DCHS2: variants seen among roughly 807,000 people sequenced by gnomAD.
The protein encoded by DCHS2 is dachsous cadherin-related 2.
A neutral mutation model predicts 182.4 loss-of-function variants in DCHS2; 142 were observed. The observed-to-expected ratio is 0.78, with a 90% CI of 0.68 to 0.89. The LOEUF is 0.89. Among genes scored for constraint, DCHS2 ranks in the 40% least tolerant of loss-of-function variants. DCHS2 has a pLI of 0.00. For synonymous variants in DCHS2, 1,740 were observed against 1,663.3 expected (o/e 1.05, Z -1.12); for missense variants, 4,319 against 4,198.6 (o/e 1.03, Z -0.79).
intron 1 of DCHS2, among the ~76,000 whole-genome samples, chr4:154,401,745 C>A (rs1040431063): frequency 2.0e-5 from 3 of 152,208 alleles, no homozygotes; most frequent in Non-Finnish European, 4.4e-5. Flanking sequence ...GTAATCCCAG[C>A]ACTTTGGGAG....
chr4:154,343,496 T>C (rs373729468), intron 3 of DCHS2: 2 of 1,483,888 alleles, frequency 1.3e-6, no homozygotes, highest in African/African-American at 1.4e-5. Context: ...CTAGATTTGC[T>C]ACATACCTTG....
chr4:154,363,371 A>G (rs761516254), intron 3 of DCHS2, among the ~76,000 whole-genome samples: 11 of 152,228 alleles, frequency 7.2e-5, no homozygotes, highest in South Asian at 4.1e-4. Context: ...ACAATAGAGT[A>G]CTATTAAGCC....
At chr4:154,431,414 T>C (rs1733553973) in intron 1 of DCHS2, among the ~76,000 whole-genome samples, 1 of 152,152 alleles carries the variant, frequency 6.6e-6, no homozygotes, top group African/African-American at 2.4e-5. Flanking sequence ...TATACTTTTC[T>C]CTTTTTTAGA....
Position 154,233,050 on chromosome 4 carries a change from A to C in DCHS2, c.*1486T>G, listed in dbSNP as rs548984049. ...TAGTAAAGAGAAATTATGTCACAAA[A>C]TTTCACAGATGAGGCCTATGGAAGA... On this transcript the variant is annotated 3_prime_UTR_variant, in exon 20 of 20. Coordinates refer to ENST00000357232, the MANE Select transcript of DCHS2 (RefSeq NM_001358235.2). 1 of 152,324 alleles carries C rather than the reference A, an allele frequency of 6.6e-6. No homozygotes were observed. The highest frequency in any genetic ancestry group is 1.5e-5 in the Non-Finnish European group (1 of 68,030). 9.4% of individuals were successfully genotyped at this position (152,324 alleles called of 1,614,324 possible). A position where few individuals can be genotyped will look rare whatever the true frequency, so the allele number is the denominator to read the frequency against.
rs909605502 is a variant in DCHS2, at chr4:154,365,477, G to GT, written c.2476+732dup. Among the ~76,000 whole-genome samples the GT allele has an allele frequency of 1.6e-3, 231 of 146,158 alleles. 1 individual carries two copies. The highest frequency in any genetic ancestry group is 7.2e-3 in the Middle Eastern group (2 of 276). Reference sequence around the variant, plus strand: ...TAGATATTATCAGTGTTACTTTTTTGTTTTTTTTTTGGAGACAGGGTTTTG... The same window carrying GT: ...TAGATATTATCAGTGTTACTTTTTTGTTTTTTTTTTTGGAGACAGGGTTTTG... On this transcript the variant is annotated intron_variant, in intron 3 of 19. Transcript: ENST00000357232.
Position 154,239,230 on chromosome 4 carries a change from C to T in DCHS2, c.7432G>A (p.Glu2478Lys). ...TLSATDLESN[E>K]NISYRILSSS... ...GATAGAATTCTGTAAGAAATGTTCT[C>T]ATTGCTTTCTAAGTCTGTGGCTGAC... Residue 2478 changes from glutamate to lysine, a missense_variant, in exon 19 of 20, where the codon GAG (glutamate) becomes AAG (lysine). Glu to Lys is a moderately conservative substitution (Grantham distance 56). Coordinates refer to ENST00000357232, the MANE Select transcript of DCHS2 (RefSeq NM_001358235.2). 1 of 1,613,450 alleles carries T rather than the reference C, an allele frequency of 6.2e-7. No homozygotes were observed. Among genetic ancestry groups the T allele is most frequent in the Non-Finnish European group, 8.5e-7 (1 of 1,179,704 alleles).
At chr4:154,321,247 T>C in intron 8 of DCHS2, 25 bp from the exon 9 acceptor site, 1 of 1,453,146 alleles carries the variant, frequency 6.9e-7, no homozygotes, top group Non-Finnish European at 9.1e-7. Context: ...AAAGAGATAT[T>C]AATTTGGGGT....
At chr4:154,264,851 T>C (rs1358475170) in intron 14 of DCHS2, among the ~76,000 whole-genome samples, 1 of 152,090 alleles carries the variant, frequency 6.6e-6, no homozygotes, top group Non-Finnish European at 1.5e-5. Context: ...TCAACAAGGA[T>C]GCAGCTAAAT....
At chr4:154,405,453 C>CAT (rs59533046) in intron 1 of DCHS2, among the ~76,000 whole-genome samples, 2,122 of 146,550 alleles carry the variant, frequency 0.014, 16 homozygotes, top group Middle Eastern at 0.04. Flanking sequence ...CATATTTATT[C>CAT]ATATATATAT....
chr4:154,317,975 A>G (rs1735921824), intron 9 of DCHS2, among the ~76,000 whole-genome samples: 1 of 152,190 alleles, frequency 6.6e-6, no homozygotes, highest in African/African-American at 2.4e-5. Context: ...ATAATCTCAA[A>G]GATAAATTTC....
intron 1 of DCHS2, among the ~76,000 whole-genome samples, chr4:154,398,254 T>A (rs548236922): frequency 1.3e-5 from 2 of 152,220 alleles, no homozygotes; most frequent in Non-Finnish European, 2.9e-5. Context: ...CATGCCCTTA[T>A]AGGGGTAGAA....
intron 3 of DCHS2, among the ~76,000 whole-genome samples, chr4:154,363,673 A>G (rs1437982133): frequency 1.3e-5 from 2 of 152,232 alleles, no homozygotes; most frequent in African/African-American, 4.8e-5. Flanking sequence ...TATGTTCTAT[A>G]CTTGAAAATT....
intron 1 of DCHS2, among the ~76,000 whole-genome samples, chr4:154,460,401 A>G (rs1734962173): frequency 6.6e-6 from 1 of 152,176 alleles, no homozygotes. Context: ...AATATCACAA[A>G]TTAGGCATCC....
chr4:154,347,763 A>AGCATGCATAGGAAGTCCGCTGG (rs1729426732), intron 3 of DCHS2, among the ~76,000 whole-genome samples: 1 of 151,886 alleles, frequency 6.6e-6, no homozygotes, highest in African/African-American at 2.4e-5. Flanking sequence ...TTCACTGCAA[A>AGCATGCATAGGAAGTCCGCTGG]GCATGCATAG....
At chr4:154,286,606 C>G (rs1263112416) in intron 13 of DCHS2, among the ~76,000 whole-genome samples, 1 of 151,534 alleles carries the variant, frequency 6.6e-6, no homozygotes, top group Non-Finnish European at 1.5e-5. Context: ...CAGAACAGAT[C>G]AAGCAGAAGA....
At chr4:154,322,599 A>T (rs984209063) in intron 7 of DCHS2, 111 bp from the exon 8 acceptor site, 9 of 1,330,588 alleles carry the variant, frequency 6.8e-6, no homozygotes. Context: ...TTTGAATTCT[A>T]TGAGAGTATG....
chr4:154,451,476 G>T (rs909659877), intron 1 of DCHS2, among the ~76,000 whole-genome samples: 1 of 152,100 alleles, frequency 6.6e-6, no homozygotes, highest in South Asian at 2.1e-4. Context: ...GGCACTGAAG[G>T]TACAAGTAAG....
At chr4:154,288,960 T>C (rs1488294437) in intron 13 of DCHS2, among the ~76,000 whole-genome samples, 2 of 151,826 alleles carry the variant, frequency 1.3e-5, no homozygotes, top group African/African-American at 2.4e-5. Context: ...TGTAAGTGCC[T>C]ACATCAAAAA....
intron 16 of DCHS2, among the ~76,000 whole-genome samples, chr4:154,253,355 T>C (rs1307553106): frequency 2.6e-5 from 4 of 152,168 alleles, no homozygotes; most frequent in South Asian, 2.1e-4. Flanking sequence ...ATTGTGAACA[T>C]AGAAACCATG....
Sources: allele counts gnomAD v4.1 joint callset (sites outside exome capture counted in the v4.1 genomes callset), GRCh38; gene constraint gnomAD v4.1.1; transcripts MANE v1.5; gene names NCBI Gene and HGNC (gene_info 2026-07-23, HGNC 2026-07-21).